The following UBE4B variants were observed in gnomAD, a reference collection of about 807,000 sequenced individuals.
UBE4B encodes the protein ubiquitination factor E4B.
In UBE4B, 27 loss-of-function variants were observed where a neutral mutation model predicts 148.1. The observed-to-expected ratio is 0.18, with a 90% CI of 0.13 to 0.25. The LOEUF is 0.25. Among genes scored for constraint, UBE4B ranks in the 10% least tolerant of loss-of-function variants. The pLI is 1.00. For missense variants in UBE4B, 1,170 were observed against 1,662.4 expected (o/e 0.70, Z 5.15); for synonymous variants, 596 against 619.3 (o/e 0.96, Z 0.56).
chr1:10,117,858 C>A (rs1459950654), intron 8 of UBE4B, among the ~76,000 whole-genome samples: 1 of 152,154 alleles, frequency 6.6e-6, no homozygotes, highest in Non-Finnish European at 1.5e-5. Context: ...CTCTCTTGAC[C>A]ACACTGTAGC....
chr1:10,065,189 T>G (rs1011000690), intron 1 of UBE4B, among the ~76,000 whole-genome samples: 1 of 152,208 alleles, frequency 6.6e-6, no homozygotes, highest in African/African-American at 2.4e-5. Flanking sequence ...CACATACTTG[T>G]TGGTTTTGGC....
intron 10 of UBE4B, among the ~76,000 whole-genome samples, chr1:10,126,453 T>C (rs943273825): frequency 3.9e-5 from 6 of 152,188 alleles, no homozygotes; most frequent in Non-Finnish European, 8.8e-5. Context: ...CAGAATTTAA[T>C]TGAGTAGAGC....
At chr1:10,048,681 G>C (rs1388233816) in intron 1 of UBE4B, among the ~76,000 whole-genome samples, 1 of 152,202 alleles carries the variant, frequency 6.6e-6, no homozygotes, top group African/African-American at 2.4e-5. Context: ...GGAGGACCAA[G>C]ACGTGACTAT....
At chr1:10,078,992 T>A (rs917321810) in intron 2 of UBE4B, among the ~76,000 whole-genome samples, 6 of 150,456 alleles carry the variant, frequency 4.0e-5, no homozygotes, top group African/African-American at 9.8e-5. Flanking sequence ...AATTTTTTAA[T>A]TTTTTTTGTA....
At chr1:10,175,474 A>C (rs1232409570) in intron 25 of UBE4B, among the ~76,000 whole-genome samples, 8 of 148,946 alleles carry the variant, frequency 5.4e-5, no homozygotes, top group Admixed American at 5.3e-4. Context: ...ACACGGTGAA[A>C]CCCCATCTCT....
chr1:10,106,842 C>G lies in UBE4B; in HGVS notation c.1196+259C>G, dbSNP rs1645121151. Among the ~76,000 whole-genome samples the G allele has an allele frequency of 1.3e-5, 2 of 152,096 alleles. No individual in the cohort carries two copies. The highest frequency in any genetic ancestry group is 2.4e-5 in the African/African-American group (1 of 41,414). On this transcript the variant is annotated intron_variant, in intron 7 of 27. Coordinates refer to ENST00000343090, the MANE Select transcript of UBE4B (RefSeq NM_001105562.3). This position sits in a 1 kb window ranked among gnomAD's most constrained non-coding sequence, Gnocchi z 4.2. ...TTTGAGAGTTGGGGCACACAGGAACCCTTTTTGGCCTTTTGTCCTGTTGCC... is the reference window on the plus strand; with the variant it reads ...TTTGAGAGTTGGGGCACACAGGAACGCTTTTTGGCCTTTTGTCCTGTTGCC...
chr1:10,082,591 G>C (rs1463209552), intron 2 of UBE4B, among the ~76,000 whole-genome samples: 7 of 151,676 alleles, frequency 4.6e-5, no homozygotes, highest in Admixed American at 4.6e-4. Context: ...GTACCACTGG[G>C]GGTGTGTACA....
At chr1:10,046,102 G>T (rs1391571999) in intron 1 of UBE4B, among the ~76,000 whole-genome samples, 1 of 152,192 alleles carries the variant, frequency 6.6e-6, no homozygotes, top group Non-Finnish European at 1.5e-5. Context: ...TCTGGCCAGA[G>T]AGGGGAGGGG....
chr1:10,070,698 A>G (rs1644469683), intron 1 of UBE4B, among the ~76,000 whole-genome samples: 1 of 152,190 alleles, frequency 6.6e-6, no homozygotes, highest in Admixed American at 6.6e-5. Context: ...TAGGAGTTCA[A>G]CAAACACATT....
rs79774214 is a variant in UBE4B at position 10,083,412 on chromosome 1, A to G, written c.211+11198A>G. ...TTCTCCAATTTTGAGTCTTTAATGA[A>G]CATTATGATTGCTTATTAGTACATC... On this transcript the variant is annotated intron_variant, in intron 2 of 27. Coordinates refer to ENST00000343090, the MANE Select transcript of UBE4B (RefSeq NM_001105562.3). 1.7e-3 allele frequency among the ~76,000 whole-genome samples: 262 copies of G among 152,300 alleles called. 3 individuals carry two copies. In the East Asian group the frequency reaches 0.044, roughly 26 times the overall value.
intron 2 of UBE4B, among the ~76,000 whole-genome samples, chr1:10,078,050 C>T (rs1644613352): frequency 1.3e-5 from 2 of 151,898 alleles, no homozygotes; most frequent in Admixed American, 1.3e-4. Flanking sequence ...CTCTCTGTCA[C>T]CCAATCTGGA....
At chr1:10,148,945 A>AG (rs1367654900) in intron 19 of UBE4B, among the ~76,000 whole-genome samples, 1 of 152,178 alleles carries the variant, frequency 6.6e-6, no homozygotes, top group African/African-American at 2.4e-5. Flanking sequence ...ATCTCAGGGG[A>AG]GAAAAAAAAG....
chr1:10,079,575 A>C (rs185600572), intron 2 of UBE4B, among the ~76,000 whole-genome samples: 7 of 152,366 alleles, frequency 4.6e-5, no homozygotes, highest in Non-Finnish European at 7.3e-5. Context: ...TTCTTTATTA[A>C]TGATTTAAAT....
intron 1 of UBE4B, among the ~76,000 whole-genome samples, chr1:10,062,859 G>A (rs375093745): frequency 2.2e-4 from 34 of 151,832 alleles, no homozygotes; most frequent in African/African-American, 8.0e-4. Context: ...GGGAGGCTGA[G>A]GCAGGAGAAT....
In UBE4B at chr1:10,103,305, C is replaced by T. The variant is rs1645046085; in HGVS notation, c.580+213C>T. 2.3e-5 allele frequency: 9 copies of T among 383,084 alleles called. No individual in the cohort carries two copies. The South Asian group carries it at 5.3e-4, about 23-fold the overall frequency. 23.7% of individuals were successfully genotyped at this position (383,084 alleles called of 1,614,324 possible). ...AACTTATTTTTCATTTCCATGATTT[C>T]TATAATACTATGTAAATAGGTTAAT... On this transcript the variant is annotated intron_variant, in intron 5 of 27. Coordinates refer to ENST00000343090, the MANE Select transcript of UBE4B (RefSeq NM_001105562.3).
At chr1:10,111,044 G>GACACACACACACACACAC (rs55936075) in intron 7 of UBE4B, among the ~76,000 whole-genome samples, 62 of 113,440 alleles carry the variant, frequency 5.5e-4, no homozygotes, top group African/African-American at 1.8e-3. Context: ...CTCTGTCTCT[G>GACACACACACACACACAC]ACACACACAC....
At chr1:10,088,724 G>C (rs1644800801) in intron 2 of UBE4B, among the ~76,000 whole-genome samples, 1 of 151,084 alleles carries the variant, frequency 6.6e-6, no homozygotes. Context: ...CTGTCACCCA[G>C]GCTGGGGGAC....
rs963848791 is a variant in UBE4B, at chr1:10,101,215, C to G, written c.435+20C>G. On this transcript the variant is annotated intron_variant, in intron 4 of 27. Transcript: ENST00000343090. ...GATAAGGTTGGTAAGCGATGAAGCC[C>G]TTGGTACAGGTAATAGAAATAAACA... 22 of 1,610,448 alleles carry G rather than the reference C, an allele frequency of 1.4e-5. No homozygotes were observed. The highest frequency in any genetic ancestry group is 1.8e-5 in the Non-Finnish European group (21 of 1,176,764).
At chr1:10,114,079 G>GAAAAAAAAAAAAAAAAAAA (rs1175645933) in intron 7 of UBE4B, among the ~76,000 whole-genome samples, 1 of 111,850 alleles carries the variant, frequency 8.9e-6, no homozygotes, top group African/African-American at 3.2e-5. Context: ...AAAAAAAAAA[G>GAAAAAAAAAAAAAAAAAAA]AAAAAAAAAA....
Sources: allele counts gnomAD v4.1 joint callset (sites outside exome capture counted in the v4.1 genomes callset), GRCh38; gene constraint gnomAD v4.1.1; non-coding constraint Gnocchi (gnomAD v3.1); transcripts MANE v1.5; gene names NCBI Gene and HGNC (gene_info 2026-07-23, HGNC 2026-07-21).